RFX2: variants seen among roughly 807,000 people sequenced by gnomAD.
RFX2 encodes regulatory factor X2.
A neutral mutation model predicts 87.8 loss-of-function variants in RFX2; 20 were observed. The ratio of observed to expected loss-of-function variants is 0.23; its 90% CI spans 0.16 to 0.33. The LOEUF is 0.33. Ranked by LOEUF, RFX2 falls within the 10% of genes least tolerant of loss-of-function variation. RFX2 has a pLI of 1.00. For missense variants in RFX2, 767 were observed against 1,012.3 expected (o/e 0.76, Z 3.29); for synonymous variants, 397 against 431.3 (o/e 0.92, Z 0.98).
intron 1 of RFX2, among the ~76,000 whole-genome samples, chr19:6,104,730 CA>C (rs1555684036): frequency 6.6e-6 from 1 of 152,148 alleles, no homozygotes; most frequent in Non-Finnish European, 1.5e-5. Context: ...TTCATTTCTA[CA>C]TATGCTTTCC....
rs2086844837 is a variant in RFX2, at chr19:6,023,327, C to A, written c.597+2836G>T. 1.3e-5 allele frequency: 2 copies of A among 152,322 alleles called. No homozygotes were observed. Among genetic ancestry groups the A allele is most frequent in the South Asian group, 4.1e-4 (2 of 4,842 alleles). 9.4% of individuals were successfully genotyped at this position (152,322 alleles called of 1,614,324 possible). ...GGTGGCACTGTGGCTGTGCCCCCGC[C>A]TGACCTGCAGAAGGCCGCTGCCCAC... On this transcript the variant is annotated intron_variant, in intron 6 of 17. Coordinates refer to ENST00000303657, the MANE Select transcript of RFX2 (RefSeq NM_000635.4). The surrounding 1 kb of genome is among the most constrained non-coding windows in gnomAD (Gnocchi z 4.9).
intron 5 of RFX2, among the ~76,000 whole-genome samples, chr19:6,033,928 T>A (rs1436680986): frequency 6.6e-6 from 1 of 152,186 alleles, no homozygotes; most frequent in African/African-American, 2.4e-5. Flanking sequence ...AGTGTGGGAA[T>A]GTCAAAGGCA....
rs57004871 is a variant in RFX2, at chr19:6,011,137, T to TTAAAA, written c.900-891_900-887dup. Reference sequence around the variant, plus strand: ...GTCTCAAAAAAAATAAATAAATTAATTAAAATAAAATAAAATAAAATAAAA... The same window carrying TTAAAA: ...GTCTCAAAAAAAATAAATAAATTAATTAAAATAAAATAAAATAAAATAAAATAAAA... On this transcript the variant is annotated intron_variant, in intron 8 of 17. Coordinates refer to ENST00000303657, the MANE Select transcript of RFX2 (RefSeq NM_000635.4). This position sits in a 1 kb window ranked among gnomAD's most constrained non-coding sequence, Gnocchi z 4.8. Among the ~76,000 whole-genome samples the TTAAAA allele has an allele frequency of 0.056, 8,466 of 151,084 alleles. 705 individuals are homozygous for TTAAAA. The highest frequency in any genetic ancestry group is 0.18 in the African/African-American group (7,501 of 40,750).
chr19:6,096,590 G>A (rs995652711), intron 1 of RFX2, among the ~76,000 whole-genome samples: 2 of 152,044 alleles, frequency 1.3e-5, no homozygotes, highest in Admixed American at 1.3e-4. Flanking sequence ...GGGACTACAG[G>A]CGCCCACCAC....
At position 5,997,393 on chromosome 19, in the gene RFX2, C is replaced by T. The variant is rs1278075853; in HGVS notation, c.1860-180G>A. The T allele has an allele frequency of 1.5e-6, 1 of 678,814 alleles. No homozygotes were observed. Among genetic ancestry groups the T allele is most frequent in the East Asian group, 2.9e-5 (1 of 34,554 alleles). The allele number at this position is 678,814 out of a possible 1,614,324, so 42.0% of individuals were successfully genotyped here. ...TGACGGGCTGCCGAGACCCTGGGCC[C>T]ACGTGACGGACAGGTGGGGCCGGCC... is the stretch of plus-strand genomic sequence containing the variant. On this transcript the variant is annotated intron_variant, in intron 15 of 17. Coordinates refer to ENST00000303657, the MANE Select transcript of RFX2 (RefSeq NM_000635.4). The surrounding 1 kb of genome is among the most constrained non-coding windows in gnomAD (Gnocchi z 4.2).
intron 6 of RFX2, among the ~76,000 whole-genome samples, chr19:6,018,794 G>A (rs568560232): frequency 1.3e-5 from 2 of 152,306 alleles, no homozygotes; most frequent in African/African-American, 4.8e-5. Context: ...CAAGCCAGGA[G>A]GGCTTCAGAC....
intron 1 of RFX2, among the ~76,000 whole-genome samples, chr19:6,066,911 A>G (rs1031284277): frequency 1.3e-5 from 2 of 152,098 alleles, no homozygotes; most frequent in African/African-American, 4.8e-5. Context: ...AACCCCCTCT[A>G]TCTCACATTA....
Position 6,001,490 on chromosome 19 carries a change from T to C in RFX2, c.1859+325A>G, listed in dbSNP as rs1274176060. Among the ~76,000 whole-genome samples the C allele has an allele frequency of 6.6e-6, 1 of 152,202 alleles. No individual in the cohort carries two copies. The highest frequency in any genetic ancestry group is 1.5e-5 in the Non-Finnish European group (1 of 68,018). ...CCAGGGTCGTCTCAAATTTCTGGTCTCAAGCCATCCTCCTGCCTTGGCCTC... is the reference window on the plus strand; with the variant it reads ...CCAGGGTCGTCTCAAATTTCTGGTCCCAAGCCATCCTCCTGCCTTGGCCTC... On this transcript the variant is annotated intron_variant, in intron 15 of 17. Coordinates refer to ENST00000303657, the MANE Select transcript of RFX2 (RefSeq NM_000635.4). This position sits in a 1 kb window ranked among gnomAD's most constrained non-coding sequence, Gnocchi z 5.6.
intron 12 of RFX2, 58 bp downstream of exon 12, chr19:6,006,954 A>G (rs2086590843): frequency 1.3e-6 from 2 of 1,584,536 alleles, no homozygotes; most frequent in Non-Finnish European, 8.6e-7. Flanking sequence ...GTAAGAAAGG[A>G]CAGAGGAGGC....
Position 6,083,690 on chromosome 19 carries a change from GCTTCCCC to G in RFX2, c.-9+26696_-9+26702del, listed in dbSNP as rs2087816958. ...AGAGCTCAAGTGATCCTCCTGCTCA[GCTTCCCC>G]AGAAGCTGAGACCACAGGTATGTGC... On this transcript the variant is annotated intron_variant, in intron 1 of 17. Transcript: ENST00000303657. The surrounding 1 kb of genome is among the most constrained non-coding windows in gnomAD (Gnocchi z 4.6). Among the ~76,000 whole-genome samples, 1 of 151,846 alleles carries G rather than the reference GCTTCCCC, an allele frequency of 6.6e-6. No individual in the cohort carries two copies. The highest frequency in any genetic ancestry group is 1.5e-5 in the Non-Finnish European group (1 of 67,956).
intron 6 of RFX2, among the ~76,000 whole-genome samples, chr19:6,018,516 C>T (rs1192847144): frequency 2.0e-5 from 3 of 152,178 alleles, no homozygotes; most frequent in Admixed American, 6.5e-5. Flanking sequence ...GGGGCCTGAA[C>T]GCGGAGGTCT....
intron 1 of RFX2, among the ~76,000 whole-genome samples, chr19:6,082,351 T>C (rs1466442598): frequency 1.3e-5 from 2 of 151,134 alleles, no homozygotes; most frequent in African/African-American, 4.9e-5. Context: ...TTGAATCTAG[T>C]TTGGTTATAG....
chr19:6,102,058 T>A (rs1227179644), intron 1 of RFX2, among the ~76,000 whole-genome samples: 1 of 152,224 alleles, frequency 6.6e-6, no homozygotes, highest in Middle Eastern at 3.2e-3. Context: ...TACTCTATGA[T>A]TCCACTTATA....
intron 1 of RFX2, among the ~76,000 whole-genome samples, chr19:6,100,619 C>G (rs1253625883): frequency 6.6e-6 from 1 of 151,806 alleles, no homozygotes; most frequent in African/African-American, 2.4e-5. Flanking sequence ...TGCAGGCCCA[C>G]GTAAATCGGA....
intron 1 of RFX2, chr19:6,073,480 C>T (rs112060570): frequency 7.2e-5 from 59 of 824,186 alleles, no homozygotes; most frequent in African/African-American, 2.9e-4. Flanking sequence ...GCCCAGCTGC[C>T]GTCAGAGTCA....
chr19:6,008,070 C>T (rs369959298), intron 10 of RFX2, 36 bp downstream of exon 10: 23 of 1,452,510 alleles, frequency 1.6e-5, no homozygotes, highest in Non-Finnish European at 2.2e-5. Flanking sequence ...CCGGGAGGGA[C>T]ACGCAGGAGC....
chr19:6,036,441 T>C (rs2087024984), intron 5 of RFX2, among the ~76,000 whole-genome samples: 1 of 152,130 alleles, frequency 6.6e-6, no homozygotes, highest in Admixed American at 6.5e-5. Context: ...GACAGCAAGA[T>C]TCATGGGGCC....
chr19:6,088,374 G>A lies in RFX2; in HGVS notation c.-9+22019C>T, dbSNP rs1042664300. ...TTACAGGCATGTGCCACCATGCCCC[G>A]CTAATTCTGTATTTTTAGTAGAGAT... On this transcript the variant is annotated intron_variant, in intron 1 of 17. Coordinates refer to ENST00000303657, the MANE Select transcript of RFX2 (RefSeq NM_000635.4). Among the ~76,000 whole-genome samples the A allele has an allele frequency of 7.9e-5, 12 of 152,090 alleles. 1 individual carries two copies. The highest frequency in any genetic ancestry group is 4.1e-4 in the South Asian group (2 of 4,820).
rs2144774771 is a variant in RFX2 at position 6,045,344 on chromosome 19, A to G, written c.91-1062T>C. Among the ~76,000 whole-genome samples the G allele has an allele frequency of 6.6e-6, 1 of 152,304 alleles. No homozygotes were observed. Among genetic ancestry groups the G allele is most frequent in the Non-Finnish European group, 1.5e-5 (1 of 68,022 alleles). On this transcript the variant is annotated intron_variant, in intron 2 of 17. Transcript: ENST00000303657. This position sits in a 1 kb window ranked among gnomAD's most constrained non-coding sequence, Gnocchi z 5.2. ...GACACACATGGTGGCCGTGAGTGGC[A>G]CTGAGACCTGTCCATGGTGGCTGCT...
Sources: allele counts gnomAD v4.1 joint callset (sites outside exome capture counted in the v4.1 genomes callset), GRCh38; gene constraint gnomAD v4.1.1; non-coding constraint Gnocchi (gnomAD v3.1); transcripts MANE v1.5; gene names NCBI Gene and HGNC (gene_info 2026-07-23, HGNC 2026-07-21).